The following LRRTM4 variants were observed in gnomAD, a reference collection of about 807,000 sequenced individuals.
The protein encoded by LRRTM4 is leucine-rich repeat transmembrane neuronal protein 4.
LRRTM4 carries 25 observed loss-of-function variants against 47.6 expected under a neutral mutation model. The observed-to-expected ratio is 0.53, with a 90% CI of 0.38 to 0.73. The LOEUF (loss-of-function observed/expected upper bound fraction) is 0.73, where lower values mean the gene tolerates loss of function less well. Among genes scored for constraint, LRRTM4 ranks in the 30% least tolerant of loss-of-function variants. LRRTM4 has a pLI of 0.00. For missense variants in LRRTM4, 638 were observed against 713.4 expected, an observed-to-expected ratio of 0.89 and a Z score of 1.20; for synonymous variants, 311 against 269.5, an observed-to-expected ratio of 1.15 and a Z score of -1.51.
chr2:77,521,837 C>CA lies in LRRTM4; in HGVS notation c.-147-20dup, dbSNP rs5832290. 2,775 of 155,602 alleles carry CA rather than the reference C, an allele frequency of 0.018. 14 individuals carry two copies. The highest frequency in any genetic ancestry group is 0.02 in the Non-Finnish European group (1,779 of 90,616). 9.6% of individuals were successfully genotyped at this position (155,602 alleles called of 1,614,324 possible). On this transcript the variant is annotated intron_variant, in intron 1 of 3. Transcript: ENST00000409884. ...ATACAAACTTCCCCGAGAGGACAGGCAAAAAAAAAAAAAAAAAATACATAT... is the reference window on the plus strand; with the variant it reads ...ATACAAACTTCCCCGAGAGGACAGGCAAAAAAAAAAAAAAAAAAATACATAT...
chr2:77,282,145 G>A (rs1195514502), intron 3 of LRRTM4, among the ~76,000 whole-genome samples: 1 of 151,928 alleles, frequency 6.6e-6, no homozygotes, highest in East Asian at 1.9e-4. Context: ...TCCTTGTAAA[G>A]ATCTTTCACC....
chr2:77,360,556 A>G (rs1043089422), intron 3 of LRRTM4, among the ~76,000 whole-genome samples: 1 of 137,376 alleles, frequency 7.3e-6, no homozygotes, highest in Admixed American at 6.9e-5. Context: ...ATTCATACAT[A>G]CATACATACA....
chr2:77,105,183 A>T (rs1039234415), intron 3 of LRRTM4, among the ~76,000 whole-genome samples: 1 of 152,326 alleles, frequency 6.6e-6, no homozygotes, highest in East Asian at 1.9e-4. Flanking sequence ...AACAACAAAA[A>T]ACACCAACAA....
chr2:77,346,715 C>T lies in LRRTM4; in HGVS notation c.1551+171603G>A, dbSNP rs1022856681. Among the ~76,000 whole-genome samples the T allele has an allele frequency of 4.0e-5, 6 of 151,656 alleles. No homozygotes were observed. The South Asian group carries it at 1.2e-3, about 32-fold the overall frequency. Reference sequence around the variant, plus strand: ...AATTAATTTTAACATTGTTTAATTCCATGAAATTTAACTAAGAATAGGGGT... The same window carrying T: ...AATTAATTTTAACATTGTTTAATTCTATGAAATTTAACTAAGAATAGGGGT... On this transcript the variant is annotated intron_variant, in intron 3 of 3. Coordinates refer to ENST00000409884, the MANE Select transcript of LRRTM4 (RefSeq NM_001134745.3).
chr2:76,795,463 C>T (rs1208345537), intron 3 of LRRTM4, among the ~76,000 whole-genome samples: 1 of 151,984 alleles, frequency 6.6e-6, no homozygotes, highest in Non-Finnish European at 1.5e-5. Flanking sequence ...TGACTATATA[C>T]ACAGAATTTA....
At chr2:76,840,504 A>C (rs1429600027) in intron 3 of LRRTM4, among the ~76,000 whole-genome samples, 1 of 152,214 alleles carries the variant, frequency 6.6e-6, no homozygotes, top group Non-Finnish European at 1.5e-5. Flanking sequence ...GTAAATAGAA[A>C]AGGTTAATGT....
rs768577274 is a variant in LRRTM4, at chr2:77,130,824, A to ATTTTTTTTTTTTTTTT, written c.1552-381924_1552-381909dup. On this transcript the variant is annotated intron_variant, in intron 3 of 3. Coordinates refer to ENST00000409884, the MANE Select transcript of LRRTM4 (RefSeq NM_001134745.3). ...CCGTGCCCGGCCAATTATTTGTTCT[A>ATTTTTTTTTTTTTTTT]TTTTTTTTTTTTTTTTTTTTTTTTT... is the stretch of plus-strand genomic sequence containing the variant. 2.0e-4 allele frequency among the ~76,000 whole-genome samples: 7 copies of ATTTTTTTTTTTTTTTT among 35,634 alleles called. 1 individual carries two copies. Among genetic ancestry groups the ATTTTTTTTTTTTTTTT allele is most frequent in the Admixed American group, 4.6e-4 (1 of 2,170 alleles). The allele number at this position is 35,634 out of a possible 152,430, so 23.4% of individuals were successfully genotyped here.
intron 3 of LRRTM4, among the ~76,000 whole-genome samples, chr2:77,400,330 G>T (rs562266045): frequency 6.6e-6 from 1 of 151,610 alleles, no homozygotes; most frequent in African/African-American, 2.4e-5. Flanking sequence ...TGAGTAATTG[G>T]CCCTACAATT....
chr2:77,318,754 A>G (rs1677695425), intron 3 of LRRTM4, among the ~76,000 whole-genome samples: 2 of 152,212 alleles, frequency 1.3e-5, no homozygotes, highest in Non-Finnish European at 2.9e-5. Flanking sequence ...TCATCTTTCC[A>G]TCAACGGACT....
intron 3 of LRRTM4, among the ~76,000 whole-genome samples, chr2:77,246,437 T>C (rs1033988649): frequency 3.9e-5 from 6 of 152,178 alleles, no homozygotes; most frequent in African/African-American, 1.4e-4. Flanking sequence ...ATCTGTGCTG[T>C]TCAAAATTGG....
At chr2:77,279,134 C>T (rs549856536) in intron 3 of LRRTM4, among the ~76,000 whole-genome samples, 1 of 152,066 alleles carries the variant, frequency 6.6e-6, no homozygotes, top group South Asian at 2.1e-4. Context: ...TTGCTTTCAT[C>T]TTACTCATGG....
intron 3 of LRRTM4, among the ~76,000 whole-genome samples, chr2:76,796,853 C>G (rs964819288): frequency 6.6e-6 from 1 of 151,912 alleles, no homozygotes; most frequent in Non-Finnish European, 1.5e-5. Flanking sequence ...CTGATTCGAT[C>G]AACTGGAAGA....
intron 3 of LRRTM4, among the ~76,000 whole-genome samples, chr2:76,894,893 C>A (rs931044968): frequency 4.6e-5 from 7 of 151,044 alleles, no homozygotes; most frequent in Non-Finnish European, 8.9e-5. Context: ...AGTCTCATAT[C>A]TGCACATAGC....
At chr2:76,968,389 T>TAC (rs1676108868) in intron 3 of LRRTM4, among the ~76,000 whole-genome samples, 3 of 118,820 alleles carry the variant, frequency 2.5e-5, no homozygotes, top group African/African-American at 6.3e-5. Flanking sequence ...TATATACACA[T>TAC]ACATACATAC....
At chr2:77,186,238 T>C (rs1171490219) in intron 3 of LRRTM4, among the ~76,000 whole-genome samples, 3 of 152,182 alleles carry the variant, frequency 2.0e-5, no homozygotes, top group Non-Finnish European at 2.9e-5. Flanking sequence ...TTCTGCTCTT[T>C]GATGCCATTT....
At chr2:76,860,573 C>CGT (rs1188263628) in intron 3 of LRRTM4, among the ~76,000 whole-genome samples, 2 of 151,536 alleles carry the variant, frequency 1.3e-5, no homozygotes, top group Non-Finnish European at 2.9e-5. Context: ...TGTGTGTGTG[C>CGT]GTGTGTGTGT....
chr2:76,775,049 G>A (rs1225882815), intron 3 of LRRTM4, among the ~76,000 whole-genome samples: 1 of 151,978 alleles, frequency 6.6e-6, no homozygotes, highest in Non-Finnish European at 1.5e-5. Flanking sequence ...ATTTCTCCAA[G>A]ATACATATCT....
chr2:77,490,244 T>C (rs1416500479), intron 3 of LRRTM4, among the ~76,000 whole-genome samples: 2 of 145,558 alleles, frequency 1.4e-5, no homozygotes, highest in East Asian at 3.9e-4. Context: ...AGTGTGACTC[T>C]GTCTCAAAAA....
At chr2:77,463,836 T>C (rs1676879956) in intron 3 of LRRTM4, among the ~76,000 whole-genome samples, 1 of 152,112 alleles carries the variant, frequency 6.6e-6, no homozygotes, top group Non-Finnish European at 1.5e-5. Context: ...GTACACCACA[T>C]GGCGGGTGGC....
Sources: allele counts gnomAD v4.1 joint callset (sites outside exome capture counted in the v4.1 genomes callset), GRCh38; gene constraint gnomAD v4.1.1; transcripts MANE v1.5; gene names NCBI Gene and HGNC (gene_info 2026-07-23, HGNC 2026-07-21).